The following TULP1 variants were observed in gnomAD, a reference collection of about 807,000 sequenced individuals.
TULP1 encodes TUB like protein 1, also known as tubby-related protein 1.
TULP1 carries 50 observed loss-of-function variants against 67.1 expected under a neutral mutation model. That is an observed-to-expected ratio of 0.75 (90% CI 0.59 to 0.94). The LOEUF (loss-of-function observed/expected upper bound fraction) is 0.94. Ranked by LOEUF, TULP1 falls within the 40% of genes least tolerant of loss-of-function variation. The pLI is 0.00. For synonymous variants in TULP1, 297 were observed against 294.0 expected (o/e 1.01, Z -0.11); for missense variants, 746 against 734.1 (o/e 1.02, Z -0.19).
intron 14 of TULP1, 47 bp downstream of exon 14, chr6:35,499,934 C>T (rs371287547): frequency 2.6e-4 from 424 of 1,610,062 alleles, no homozygotes; most frequent in South Asian, 8.7e-4. Context: ...AGGTCAGCAT[C>T]CTGGGGGTGG....
intron 2 of TULP1, 149 bp from the exon 3 acceptor site, chr6:35,512,419 C>A: frequency 1.5e-6 from 1 of 674,176 alleles, no homozygotes; most frequent in South Asian, 1.9e-5. Context: ...GCAGGATGAC[C>A]CCTTCCATGC....
At position 35,511,707 on chromosome 6, in the gene TULP1, G is replaced by C; in HGVS notation, c.290C>G (p.Ala97Gly). Residue 97 changes from alanine (A) to glycine (G), a missense_variant, in exon 4 of 15, where the codon GCC (alanine) becomes GGC (glycine). Coordinates refer to ENST00000229771, the MANE Select transcript of TULP1 (RefSeq NM_003322.6). ...GGTTTCCCGGGGGTCGCGCTTCTTG[G>C]CCTCGGGGTCCCTGAGGAACCTGGC... ...VYARFLRDPE[A>G]KKRDPRETFL... 6.3e-7 allele frequency: 1 copy of C among 1,593,186 alleles called. No homozygotes were observed. Among genetic ancestry groups the C allele is most frequent in the Non-Finnish European group, 8.5e-7 (1 of 1,170,004 alleles).
intron 5 of TULP1, chr6:35,510,567 CA>C (rs1752805970): frequency 3.9e-6 from 2 of 506,768 alleles, no homozygotes; most frequent in Non-Finnish European, 7.0e-6. Context: ...TAACAATTTC[CA>C]CTGAGTTAAA....
At chr6:35,505,881 G>A (rs747245617) in intron 10 of TULP1, 28 bp from the exon 11 acceptor site, 1 of 1,614,186 alleles carries the variant, frequency 6.2e-7, no homozygotes, top group South Asian at 1.1e-5. Context: ...CAGGTGAGAG[G>A]ATGGGAAGAG....
rs966071544 is a variant in TULP1 at position 35,512,323 on chromosome 6, C to A, written c.100-53G>T. On this transcript the variant is annotated intron_variant, in intron 2 of 14. Transcript: ENST00000229771. The stretch of plus-strand genomic sequence containing the variant: ...GAGGAAGGAAAGGGGGGCGCTGAGG[C>A]CCGCCCATCCCCCTCTAATCCCTTG... 8 of 894,210 alleles carry A rather than the reference C, an allele frequency of 8.9e-6. No homozygotes were observed. The East Asian group carries it at 2.3e-4, about 25-fold the overall frequency. 55.4% of individuals were successfully genotyped at this position (894,210 alleles called of 1,614,324 possible).
chr6:35,509,961 G>A (rs1052309206), intron 5 of TULP1, 33 bp from the exon 6 acceptor site: 1 of 1,603,884 alleles, frequency 6.2e-7, no homozygotes. Context: ...AGGCAAAGAA[G>A]GTGTCTACTG....
At chr6:35,504,059 T>C (rs748922548) in intron 11 of TULP1, 7 of 536,382 alleles carry the variant, frequency 1.3e-5, no homozygotes, top group Non-Finnish European at 2.0e-5. Context: ...CTCAAGCTTG[T>C]AATCCCAGCA....
At position 35,512,280 on chromosome 6, in the gene TULP1, G is replaced by A. The variant is rs1038620982; in HGVS notation, c.100-10C>T. The A allele has an allele frequency of 1.0e-5, 14 of 1,380,850 alleles. No individual in the cohort carries two copies. Among genetic ancestry groups the A allele is most frequent in the Non-Finnish European group, 1.3e-5 (14 of 1,059,500 alleles). The allele number at this position is 1,380,850 out of a possible 1,614,324, so 85.5% of individuals were successfully genotyped here. A position where few individuals can be genotyped will look rare whatever the true frequency, so the allele number is the denominator to read the frequency against. ...GTGCCGGGGCGGGTCGCTGCGGAAC[G>A]GGGGTCAAGAGGAGGTCGAGGAAGG... On this transcript the variant is annotated splice_polypyrimidine_tract_variant and intron_variant, in intron 2 of 14. Transcript: ENST00000229771.
chr6:35,501,747 G>A (rs1003882117), intron 13 of TULP1, among the ~76,000 whole-genome samples: 1 of 152,240 alleles, frequency 6.6e-6, no homozygotes, highest in Non-Finnish European at 1.5e-5. Context: ...GGGAAGTAGA[G>A]GTTGCAGTGA....
chr6:35,498,585 C>G lies in TULP1; in HGVS notation c.1496-125G>C. The G allele has an allele frequency of 7.1e-7, 1 of 1,410,546 alleles. No individual in the cohort carries two copies. The highest frequency in any genetic ancestry group is 9.7e-7 in the Non-Finnish European group (1 of 1,035,574). The allele number at this position is 1,410,546 out of a possible 1,614,324, so 87.4% of individuals were successfully genotyped here. A position where few individuals can be genotyped will look rare whatever the true frequency, so the allele number is the denominator to read the frequency against. On this transcript the variant is annotated intron_variant, in intron 14 of 14. Transcript: ENST00000229771. The surrounding 1 kb of genome is among the most constrained non-coding windows in gnomAD (Gnocchi z 6.7). The stretch of plus-strand genomic sequence containing the variant: ...TGGGGCTCCAACCCTCAGCCACCAT[C>G]TCAGTTACTCAACACCCATCCCTTC...
chr6:35,512,279 CG>C lies in TULP1; in HGVS notation c.100-10del. On this transcript the variant is annotated splice_polypyrimidine_tract_variant and intron_variant, in intron 2 of 14. Coordinates refer to ENST00000229771, the MANE Select transcript of TULP1 (RefSeq NM_003322.6). ...TGTGCCGGGGCGGGTCGCTGCGGAACGGGGGTCAAGAGGAGGTCGAGGAAGG... is the reference window on the plus strand; with the variant it reads ...TGTGCCGGGGCGGGTCGCTGCGGAACGGGGTCAAGAGGAGGTCGAGGAAGG... 7.2e-7 allele frequency: 1 copy of C among 1,387,716 alleles called. No homozygotes were observed. Among genetic ancestry groups the C allele is most frequent in the Non-Finnish European group, 9.4e-7 (1 of 1,064,696 alleles). 86.0% of individuals were successfully genotyped at this position (1,387,716 alleles called of 1,614,324 possible).
rs754696404 is a variant in TULP1 at position 35,498,459 on chromosome 6, G to C, written c.1497C>G (p.Pro499=). The C allele has an allele frequency of 2.5e-6, 4 of 1,613,824 alleles. No individual in the cohort carries two copies. Among genetic ancestry groups the C allele is most frequent in the East Asian group, 4.5e-5 (2 of 44,878 alleles). The change falls in exon 15 of 15, where the codon CCC becomes CCG. Residue 499 remains proline (P), a splice_region_variant and synonymous_variant. Coordinates refer to ENST00000229771, the MANE Select transcript of TULP1 (RefSeq NM_003322.6). The surrounding 1 kb of genome is among the most constrained non-coding windows in gnomAD (Gnocchi z 6.7). ...GGCCGAACTGCAGCACGATATAGTC[G>C]GCTATGGACACAAGACGGGGTGGGG... ...KNFQIVHADD[P]DYIVLQFGRV...
intron 10 of TULP1, 72 bp from the exon 11 acceptor site, chr6:35,505,925 GA>G: frequency 6.2e-7 from 1 of 1,614,140 alleles, no homozygotes; most frequent in Non-Finnish European, 8.5e-7. Flanking sequence ...GCTGCAGGGA[GA>G]AATCAGGCCC....
Position 35,498,598 on chromosome 6 carries a change from C to T in TULP1, c.1496-138G>A. On this transcript the variant is annotated intron_variant, in intron 14 of 14. Coordinates refer to ENST00000229771, the MANE Select transcript of TULP1 (RefSeq NM_003322.6). This position sits in a 1 kb window ranked among gnomAD's most constrained non-coding sequence, Gnocchi z 6.7. ...CTCAGCCACCATCTCAGTTACTCAACACCCATCCCTTCTTCTATCTCACTC... is the reference window on the plus strand; with the variant it reads ...CTCAGCCACCATCTCAGTTACTCAATACCCATCCCTTCTTCTATCTCACTC... 7.6e-7 allele frequency: 1 copy of T among 1,307,662 alleles called. No individual in the cohort carries two copies. The highest frequency in any genetic ancestry group is 1.1e-6 in the Non-Finnish European group (1 of 949,292). 81.0% of individuals were successfully genotyped at this position (1,307,662 alleles called of 1,614,324 possible).
rs144103321 is a variant in TULP1, at chr6:35,503,811, T to C, written c.1150A>G (p.Asn384Asp). 31 of 1,612,848 alleles carry C rather than the reference T, an allele frequency of 1.9e-5. No individual in the cohort carries two copies. The African/African-American group carries it at 3.3e-4, about 17-fold the overall frequency. ...TACCCACGCTGTGGGTTCTGCCCGT[T>C]GTCAAAGACCGTGAAGCGGTTCCCC... ...LLGNRFTVFD[N>D]GQNPQRGYST... Residue 384 changes from asparagine (N) to aspartate (D), a missense_variant, in exon 12 of 15, where the codon AAC becomes GAC. Physicochemically the swap from Asn to Asp is conservative, Grantham distance 23. Coordinates refer to ENST00000229771, the MANE Select transcript of TULP1 (RefSeq NM_003322.6). The surrounding 1 kb of genome is among the most constrained non-coding windows in gnomAD (Gnocchi z 4.0).
At chr6:35,507,767 C>T (rs1761113500) in intron 8 of TULP1, among the ~76,000 whole-genome samples, 1 of 152,144 alleles carries the variant, frequency 6.6e-6, no homozygotes, top group Non-Finnish European at 1.5e-5. Flanking sequence ...TATTTGGGAG[C>T]CACGAAGAAT....
intron 13 of TULP1, 95 bp from the exon 14 acceptor site, chr6:35,500,247 A>C: frequency 1.5e-5 from 20 of 1,355,582 alleles, no homozygotes; most frequent in Non-Finnish European, 2.1e-5. Flanking sequence ...GCATGTGTGC[A>C]CAGGGGTGTG....
rs1051952 is a variant in TULP1 at position 35,498,009 on chromosome 6, A to C, written c.*318T>G. 0.51 allele frequency: 261,495 copies of C among 515,366 alleles called. 71,170 individuals carry two copies. The highest frequency in any genetic ancestry group is 0.87 in the African/African-American group (45,425 of 52,300). 31.9% of individuals were successfully genotyped at this position (515,366 alleles called of 1,614,324 possible). A position where few individuals can be genotyped will look rare whatever the true frequency, so the allele number is the denominator to read the frequency against. ...GGGGAGAGGGGAGGTTAAAACAACA[A>C]TGACTACTGCTCCCGGACAGGAAGT... On this transcript the variant is annotated 3_prime_UTR_variant, in exon 15 of 15. Coordinates refer to ENST00000229771, the MANE Select transcript of TULP1 (RefSeq NM_003322.6). The surrounding 1 kb of genome is among the most constrained non-coding windows in gnomAD (Gnocchi z 6.7).
In TULP1 at chr6:35,503,303, C is replaced by G. The variant is rs1429233902; in HGVS notation, c.1323+256G>C. The G allele has an allele frequency of 6.0e-6, 3 of 499,038 alleles. No homozygotes were observed. Among genetic ancestry groups the G allele is most frequent in the Admixed American group, 3.2e-5 (1 of 30,820 alleles). 30.9% of individuals were successfully genotyped at this position (499,038 alleles called of 1,614,324 possible). On this transcript the variant is annotated intron_variant, in intron 13 of 14. Coordinates refer to ENST00000229771, the MANE Select transcript of TULP1 (RefSeq NM_003322.6). The surrounding 1 kb of genome is among the most constrained non-coding windows in gnomAD (Gnocchi z 4.0). Reference sequence around the variant, plus strand: ...GGTGCCTAGGATAATACTTGGCACTCAATATGTGTGGTCAATGAAGATATG... The same window carrying G: ...GGTGCCTAGGATAATACTTGGCACTGAATATGTGTGGTCAATGAAGATATG...
Sources: allele counts gnomAD v4.1 joint callset (sites outside exome capture counted in the v4.1 genomes callset), GRCh38; gene constraint gnomAD v4.1.1; non-coding constraint Gnocchi (gnomAD v3.1); transcripts MANE v1.5; gene names NCBI Gene and HGNC (gene_info 2026-07-23, HGNC 2026-07-21).